FABP7: variants seen among roughly 807,000 people sequenced by gnomAD.
FABP7 encodes fatty acid-binding protein, brain.
FABP7 carries 13 observed loss-of-function variants against 14.2 expected under a neutral mutation model. The observed-to-expected ratio is 0.91, with a 90% CI of 0.59 to 1.45. The LOEUF (loss-of-function observed/expected upper bound fraction) is 1.45. Ranked by LOEUF, FABP7 falls within the 40% of genes most tolerant of loss-of-function variation. The pLI is 0.00. For synonymous variants in FABP7, 49 were observed against 51.4 expected, an observed-to-expected ratio of 0.95 and a Z score of 0.20; for missense variants, 149 against 157.6, an observed-to-expected ratio of 0.95 and a Z score of 0.29.
the FABP7 span, among the ~76,000 whole-genome samples, chr6:122,763,237 C>T: frequency 6.6e-6 from 1 of 152,116 alleles, no homozygotes; most frequent in Non-Finnish European, 1.5e-5. Context: ...TAATTCCACA[C>T]ATCTACAACC....
chr6:122,760,423 CTTTATA>C, the FABP7 span, among the ~76,000 whole-genome samples: 1 of 152,022 alleles, frequency 6.6e-6, no homozygotes, highest in Non-Finnish European at 1.5e-5. Context: ...ACATATGTGA[CTTTATA>C]TTTATAGTAA....
chr6:122,773,885 T>A, the FABP7 span, among the ~76,000 whole-genome samples: 1 of 151,720 alleles, frequency 6.6e-6, no homozygotes, highest in Non-Finnish European at 1.5e-5. Flanking sequence ...TCACTACTTT[T>A]TAAAAAAAAC....
the FABP7 span, among the ~76,000 whole-genome samples, chr6:122,768,676 C>T: frequency 6.6e-6 from 1 of 151,976 alleles, no homozygotes; most frequent in South Asian, 2.1e-4. Flanking sequence ...AAAATTGGAC[C>T]AACATGGACA....
At chr6:122,764,382 C>A in the FABP7 span, among the ~76,000 whole-genome samples, 8 of 151,610 alleles carry the variant, frequency 5.3e-5, no homozygotes, top group Non-Finnish European at 1.2e-4. Flanking sequence ...ACACCAGGGC[C>A]TGTCATGGGG....
intron 3 of FABP7, chr6:122,781,759 G>A: frequency 8.9e-6 from 3 of 335,618 alleles, no homozygotes; most frequent in Non-Finnish European, 1.0e-5. Flanking sequence ...TTTTTTTTTT[G>A]AGATAAAGTC....
At chr6:122,769,737 A>G in the FABP7 span, among the ~76,000 whole-genome samples, 1 of 152,138 alleles carries the variant, frequency 6.6e-6, no homozygotes, top group African/African-American at 2.4e-5. Flanking sequence ...TCTGTTAACA[A>G]ATTGAGGAGT....
At chr6:122,750,283 T>A in the FABP7 span, among the ~76,000 whole-genome samples, 2 of 152,312 alleles carry the variant, frequency 1.3e-5, no homozygotes, top group South Asian at 2.1e-4. Context: ...ATGCACTGAA[T>A]ATGATTACAT....
At chr6:122,779,985 A>C in intron 1 of FABP7, 118 bp downstream of exon 1, 2 of 988,002 alleles carry the variant, frequency 2.0e-6, no homozygotes, top group Non-Finnish European at 3.1e-6. Flanking sequence ...TGCCCTGATC[A>C]GATGCTAGGC....
At chr6:122,777,941 G>T (rs1368560459), upstream of FABP7, among the ~76,000 whole-genome samples, 1 of 152,080 alleles carries the variant, frequency 6.6e-6, no homozygotes, top group African/African-American at 2.4e-5. Context: ...GCAAATTAAA[G>T]AATCTCTGAA....
chr6:122,754,753 T>G, the FABP7 span, among the ~76,000 whole-genome samples: 16 of 151,866 alleles, frequency 1.1e-4, 1 homozygote, highest in Middle Eastern at 6.8e-3. Context: ...GCCTAAGAAC[T>G]TCCCCTCATA....
At chr6:122,761,646 AT>A in the FABP7 span, among the ~76,000 whole-genome samples, 1 of 152,154 alleles carries the variant, frequency 6.6e-6, no homozygotes, top group Non-Finnish European at 1.5e-5. Flanking sequence ...TGTTTTAATT[AT>A]TTTGAAACCC....
At chr6:122,752,230 C>A in the FABP7 span, among the ~76,000 whole-genome samples, 5 of 152,216 alleles carry the variant, frequency 3.3e-5, no homozygotes, top group East Asian at 1.9e-4. Context: ...ACTCTGTGTT[C>A]TGAGGAAGAA....
chr6:122,756,453 C>A, the FABP7 span, among the ~76,000 whole-genome samples: 1 of 152,146 alleles, frequency 6.6e-6, no homozygotes, highest in South Asian at 2.1e-4. Flanking sequence ...GACTTCCTGT[C>A]GGCACCACCA....
chr6:122,758,105 C>CTAT, the FABP7 span, among the ~76,000 whole-genome samples: 1 of 118,376 alleles, frequency 8.4e-6, no homozygotes, highest in Non-Finnish European at 1.7e-5. Flanking sequence ...TATTATCTAG[C>CTAT]TTTTTTTTTT....
the FABP7 span, among the ~76,000 whole-genome samples, chr6:122,753,999 C>T: frequency 2.0e-5 from 3 of 152,052 alleles, no homozygotes; most frequent in Non-Finnish European, 4.4e-5. Flanking sequence ...AAGGGAGAAG[C>T]CTCTGGTCCT....
intron 3 of FABP7, chr6:122,782,147 T>A (rs1780805279): frequency 1.0e-6 from 1 of 983,968 alleles, no homozygotes; most frequent in East Asian, 1.1e-4. Flanking sequence ...TAGGTAGACA[T>A]GAAAAATATT....
upstream of FABP7, among the ~76,000 whole-genome samples, chr6:122,777,706 A>C (rs931849364): frequency 6.6e-6 from 1 of 152,032 alleles, no homozygotes; most frequent in East Asian, 1.9e-4. Flanking sequence ...AAAAATAGCC[A>C]GGCATAATGG....
At chr6:122,754,674 T>C in the FABP7 span, among the ~76,000 whole-genome samples, 1 of 145,820 alleles carries the variant, frequency 6.9e-6, no homozygotes, top group Non-Finnish European at 1.5e-5. Flanking sequence ...ATTGTTTCCT[T>C]CTGTCTCTGT....
the FABP7 span, among the ~76,000 whole-genome samples, chr6:122,774,579 A>G: frequency 3.9e-5 from 6 of 152,098 alleles, no homozygotes; most frequent in African/African-American, 1.4e-4. Context: ...ATGTAAAATA[A>G]GTCAAAAATG....
Sources: gnomAD v4.1 joint callset for allele counts (sites outside exome capture counted in the v4.1 genomes callset) on GRCh38, gnomAD v4.1.1 for gene constraint, MANE v1.5 for transcripts, NCBI Gene and HGNC (gene_info 2026-07-23, HGNC 2026-07-21) for gene names.